Variants in COL18A1 observed in about 807,000 individuals in gnomAD.
The protein encoded by COL18A1 is collagen alpha-1(XVIII) chain.
In COL18A1, 133 loss-of-function variants were observed where a neutral mutation model predicts 168.0. The observed-to-expected ratio is 0.79, with a 90% CI of 0.69 to 0.91. The LOEUF is 0.91. Among genes scored for constraint, COL18A1 ranks in the 40% least tolerant of loss-of-function variants. COL18A1 has a pLI of 0.00. For synonymous variants in COL18A1, 949 were observed against 809.0 expected, an observed-to-expected ratio of 1.17 and a Z score of -2.94; for missense variants, 2,126 against 1,925.4, an observed-to-expected ratio of 1.10 and a Z score of -1.95.
intron 2 of COL18A1, among the ~76,000 whole-genome samples, chr21:45,427,835 T>A (rs2033850487): frequency 6.6e-6 from 1 of 152,160 alleles, no homozygotes; most frequent in African/African-American, 2.4e-5. Flanking sequence ...GGGCGAGGCC[T>A]CGGGAATGCG....
chr21:45,509,139 T>C (rs2037421151), intron 38 of COL18A1, among the ~76,000 whole-genome samples: 1 of 152,028 alleles, frequency 6.6e-6, no homozygotes, highest in Admixed American at 6.6e-5. Context: ...CTGTGGGGCC[T>C]GAGCAGAGGT....
At chr21:45,482,927 T>C (rs1331977126) in intron 15 of COL18A1, 106 bp downstream of exon 15, 9 of 1,555,628 alleles carry the variant, frequency 5.8e-6, no homozygotes, top group Non-Finnish European at 7.1e-6. Flanking sequence ...GTGAGCTCTC[T>C]TGGGGCTGGC....
chr21:45,478,206 C>A (rs993749869), intron 8 of COL18A1, 121 bp from the exon 9 acceptor site: 1 of 1,340,730 alleles, frequency 7.5e-7, no homozygotes, highest in Non-Finnish European at 1.1e-6. Context: ...GCGAGGACAT[C>A]GGGGGAAGGC....
chr21:45,495,385 G>T lies in COL18A1; in HGVS notation c.2461G>T (p.Gly821Ter). 1 of 1,611,718 alleles carries T rather than the reference G, an allele frequency of 6.2e-7. No homozygotes were observed. Among genetic ancestry groups the T allele is most frequent in the Non-Finnish European group, 8.5e-7 (1 of 1,179,066 alleles). The change falls in exon 29 of 42, where the codon GGA (glycine) becomes TGA (stop). Residue 821 changes from glycine (G) to a stop codon, truncating the protein, a stop_gained. Transcript: ENST00000651438. LOFTEE classifies it high-confidence loss of function. ...PGRPGMNGLK[G>*]EKGEPGDASL... is the part of the protein sequence containing the mutation. ...TCGCCCCGGGATGAACGGATTGAAA[G>T]GAGAGAAAGGGGAGCCGGGAGATGC... is the stretch of plus-strand genomic sequence containing the variant.
chr21:45,490,724 C>T, intron 20 of COL18A1, 112 bp from the exon 21 acceptor site: 1 of 1,196,470 alleles, frequency 8.4e-7, no homozygotes, highest in South Asian at 1.3e-5. Flanking sequence ...CTCCCAGGCC[C>T]CAGCCGGTCG....
At chr21:45,451,442 G>T (rs1169138397) in intron 2 of COL18A1, among the ~76,000 whole-genome samples, 1 of 152,184 alleles carries the variant, frequency 6.6e-6, no homozygotes, top group Non-Finnish European at 1.5e-5. Flanking sequence ...AGGCTCTGGG[G>T]CCCTGGGGAC....
chr21:45,504,521 G>T lies in COL18A1; in HGVS notation c.2833G>T (p.Gly945Cys), dbSNP rs943491304. ...SSLPGPPGPPGPPGPRGYPGI... is the reference protein window; with the variant it reads ...SSLPGPPGPPCPPGPRGYPGI... ...CCTGCCCGGCCCCCCCGGCCCCCCA[G>T]GCCCCCCAGGCCCACGTGGCTACCC... is the stretch of plus-strand genomic sequence containing the variant. Residue 945 changes from glycine (G) to cysteine (C), a missense_variant, in exon 34 of 42, where the codon GGC becomes TGC. By Grantham distance (159) the Gly-to-Cys change is radical (BLOSUM62 -3). Transcript: ENST00000651438. 1 of 1,348,998 alleles carries T rather than the reference G, an allele frequency of 7.4e-7. No individual in the cohort carries two copies. The highest frequency in any genetic ancestry group is 2.7e-5 in the East Asian group (1 of 37,056). 83.6% of individuals were successfully genotyped at this position (1,348,998 alleles called of 1,614,324 possible).
At chr21:45,508,253 T>A (rs1163794751) in intron 38 of COL18A1, among the ~76,000 whole-genome samples, 1 of 130,634 alleles carries the variant, frequency 7.7e-6, no homozygotes, top group Non-Finnish European at 1.6e-5. Context: ...GAGTGGATGG[T>A]GGACAGGTGG....
Position 45,496,570 on chromosome 21 carries a change from TA to T in COL18A1, c.2577+4del. 7.0e-7 allele frequency: 1 copy of T among 1,433,600 alleles called. No homozygotes were observed. The highest frequency in any genetic ancestry group is 9.8e-7 in the Non-Finnish European group (1 of 1,017,404). 88.8% of individuals were successfully genotyped at this position (1,433,600 alleles called of 1,614,324 possible). On this transcript the variant is annotated splice_donor_region_variant and intron_variant, in intron 30 of 41. Transcript: ENST00000651438. ...GGGACTCCTGTTTACGACAGCAATG[TA>T]AGTCCCCAGGGCACCCACTGTCCTA... is the stretch of plus-strand genomic sequence containing the variant.
At position 45,443,043 on chromosome 21, in the gene COL18A1, G is replaced by A. The variant is rs564125363; in HGVS notation, c.107-25199G>A. On this transcript the variant is annotated intron_variant, in intron 2 of 41. Coordinates refer to ENST00000651438, the MANE Select transcript of COL18A1 (RefSeq NM_001379500.1). This position sits in a 1 kb window ranked among gnomAD's most constrained non-coding sequence, Gnocchi z 5.2. ...TGGTGGTGGTGCTGATGTGGGCGGC[G>A]GTGCTGGTGTGGGCGGTGGTGGTGC... 3.6e-5 allele frequency among the ~76,000 whole-genome samples: 5 copies of A among 139,836 alleles called. No homozygotes were observed. The highest frequency in any genetic ancestry group is 1.1e-4 in the African/African-American group (4 of 34,872). The allele number at this position is 139,836 out of a possible 152,430, so 91.7% of individuals were successfully genotyped here.
At chr21:45,474,383 TG>T in intron 4 of COL18A1, among the ~76,000 whole-genome samples, 1 of 138,832 alleles carries the variant, frequency 7.2e-6, no homozygotes, top group African/African-American at 3.1e-5. Flanking sequence ...GTGTGTTGTG[TG>T]TGTTGTATGT....
At position 45,494,871 on chromosome 21, in the gene COL18A1, G is replaced by T. The variant is rs780841902; in HGVS notation, c.2389G>T (p.Gly797Ter). ...PGFRGPPGPY[G>*]RPGYKGEIGF... ...CCCCTTCCTCTTGCAGGGTCCATAC[G>T]GACGGCCGGGGTACAAGGGAGAGAT... The change falls in exon 28 of 42, where the codon GGA becomes TGA. Residue 797 changes from glycine to a stop codon, truncating the protein, a stop_gained. Coordinates refer to ENST00000651438, the MANE Select transcript of COL18A1 (RefSeq NM_001379500.1). LOFTEE classifies it high-confidence loss of function. 1 of 1,609,894 alleles carries T rather than the reference G, an allele frequency of 6.2e-7. No individual in the cohort carries two copies. Among genetic ancestry groups the T allele is most frequent in the Non-Finnish European group, 8.5e-7 (1 of 1,178,590 alleles).
chr21:45,486,888 G>C lies in COL18A1; in HGVS notation c.1729G>C (p.Gly577Arg). ...GAGCAAGGGAGCCCCCGGTCCTGCT[G>C]GTGCTCGTGGGGAGAGCGGCCTGGC... is the stretch of plus-strand genomic sequence containing the variant. ...KGSKGAPGPAGARGESGLAGA... is the reference protein window; with the variant it reads ...KGSKGAPGPARARGESGLAGA... Residue 577 changes from glycine to arginine, a missense_variant, in exon 16 of 42, where the codon GGT becomes CGT. Gly to Arg is a moderately radical substitution (Grantham distance 125). Transcript: ENST00000651438. 6.5e-7 allele frequency: 1 copy of C among 1,528,018 alleles called. No homozygotes were observed. Among genetic ancestry groups the C allele is most frequent in the South Asian group, 1.2e-5 (1 of 82,992 alleles). 94.7% of individuals were successfully genotyped at this position (1,528,018 alleles called of 1,614,324 possible).
Position 45,486,858 on chromosome 21 carries a change from C to G in COL18A1, c.1702-3C>G. ...CCTGACACGCTCTCCTCACCCCACG[C>G]AGGGGAGCAAGGGAGCCCCCGGTCC... On this transcript the variant is annotated splice_polypyrimidine_tract_variant and splice_region_variant and intron_variant, in intron 15 of 41. Transcript: ENST00000651438. The G allele has an allele frequency of 6.5e-7, 1 of 1,528,560 alleles. No individual in the cohort carries two copies. Among genetic ancestry groups the G allele is most frequent in the Non-Finnish European group, 8.8e-7 (1 of 1,139,974 alleles). 94.7% of individuals were successfully genotyped at this position (1,528,560 alleles called of 1,614,324 possible). A position where few individuals can be genotyped will look rare whatever the true frequency, so the allele number is the denominator to read the frequency against.
intron 15 of COL18A1, among the ~76,000 whole-genome samples, chr21:45,484,274 C>T (rs1453080218): frequency 6.8e-6 from 1 of 147,996 alleles, no homozygotes; most frequent in Non-Finnish European, 1.5e-5. Flanking sequence ...CACACATAGG[C>T]ACACACATCT....
intron 17 of COL18A1, 146 bp downstream of exon 17, chr21:45,487,655 G>T (rs117810270): frequency 0.012 from 11,781 of 983,808 alleles, 97 homozygotes; most frequent in Middle Eastern, 0.018. Context: ...CGGGCGCTGT[G>T]CCCCGCGGGC....
intron 2 of COL18A1, among the ~76,000 whole-genome samples, chr21:45,434,713 C>T (rs907829846): frequency 2.0e-5 from 3 of 152,230 alleles, no homozygotes; most frequent in African/African-American, 7.2e-5. Context: ...GCAGGTGGTT[C>T]GTGGATGTAT....
intron 2 of COL18A1, among the ~76,000 whole-genome samples, chr21:45,418,791 G>A (rs2033532211): frequency 6.6e-6 from 1 of 152,216 alleles, no homozygotes; most frequent in African/African-American, 2.4e-5. Context: ...TTAGCGTTGG[G>A]TTCCCGGGTC....
Position 45,455,884 on chromosome 21 carries a change from C to T in COL18A1, c.107-12358C>T, listed in dbSNP as rs777309478. 3 of 1,613,092 alleles carry T rather than the reference C, an allele frequency of 1.9e-6. No homozygotes were observed. In the Admixed American group the frequency reaches 5.0e-5, roughly 27 times the overall value. ...TCGGAGCCGAGATCCTGAACGTGGC[C>T]AAAGGCATCCGGAGCTTCGTCCAGC... On this transcript the variant is annotated intron_variant, in intron 2 of 41. Transcript: ENST00000651438.
Sources: allele counts gnomAD v4.1 joint callset (sites outside exome capture counted in the v4.1 genomes callset), GRCh38; gene constraint gnomAD v4.1.1; non-coding constraint Gnocchi (gnomAD v3.1); transcripts MANE v1.5; gene names NCBI Gene and HGNC (gene_info 2026-07-23, HGNC 2026-07-21).